Variants in SEMA6A observed in about 807,000 individuals in gnomAD.
The protein encoded by SEMA6A is semaphorin-6A.
SEMA6A carries 25 observed loss-of-function variants against 96.8 expected under a neutral mutation model. The ratio of observed to expected loss-of-function variants is 0.26; its 90% CI spans 0.19 to 0.36. The LOEUF is 0.36. SEMA6A is among the 10% of genes least tolerant of loss of function. SEMA6A has a pLI of 1.00. For missense variants in SEMA6A, 1,363 were observed against 1,323.1 expected (o/e 1.03, Z -0.47); for synonymous variants, 612 against 518.0 (o/e 1.18, Z -2.46).
Position 116,501,169 on chromosome 5 carries a change from T to C in SEMA6A, c.218+1041A>G, listed in dbSNP as rs2112764373. On this transcript the variant is annotated intron_variant, in intron 3 of 18. Coordinates refer to ENST00000343348, the MANE Select transcript of SEMA6A (RefSeq NM_020796.5). Reference sequence around the variant, plus strand: ...TACACACTCCCAAAATGGAGGATCATATATTGTTGGACTCCTTAGGGACTT... The same window carrying C: ...TACACACTCCCAAAATGGAGGATCACATATTGTTGGACTCCTTAGGGACTT... Among the ~76,000 whole-genome samples, 3 of 152,326 alleles carry C rather than the reference T, an allele frequency of 2.0e-5. No individual in the cohort carries two copies. In the South Asian group the frequency reaches 6.2e-4, roughly 32 times the overall value.
At chr5:116,496,567 G>A (rs1757612672) in intron 4 of SEMA6A, among the ~76,000 whole-genome samples, 2 of 152,088 alleles carry the variant, frequency 1.3e-5, no homozygotes. Flanking sequence ...AAGGAGAAAA[G>A]AAAGAAGAAT....
At chr5:116,454,383 G>C (rs879925109) in intron 18 of SEMA6A, among the ~76,000 whole-genome samples, 4 of 152,068 alleles carry the variant, frequency 2.6e-5, no homozygotes, top group Non-Finnish European at 5.9e-5. Flanking sequence ...ATAACAACTT[G>C]AGTGAATGGA....
intron 10 of SEMA6A, among the ~76,000 whole-genome samples, chr5:116,483,698 A>C (rs577963092): frequency 7.2e-4 from 109 of 152,240 alleles, no homozygotes; most frequent in Non-Finnish European, 1.4e-3. Flanking sequence ...ATTTAAAATA[A>C]GGTGGCAAAA....
At chr5:116,541,604 G>T (rs1458470613) in intron 1 of SEMA6A, among the ~76,000 whole-genome samples, 1 of 152,168 alleles carries the variant, frequency 6.6e-6, no homozygotes. Context: ...AAGCTGAGGT[G>T]AGCTGATCAC....
intron 1 of SEMA6A, among the ~76,000 whole-genome samples, chr5:116,563,803 T>C (rs1366306638): frequency 6.6e-6 from 1 of 152,228 alleles, no homozygotes; most frequent in Admixed American, 6.5e-5. Context: ...ATCTAGCCTA[T>C]GCGAATACTG....
chr5:116,498,016 C>G (rs1757686454), intron 3 of SEMA6A, among the ~76,000 whole-genome samples: 1 of 152,108 alleles, frequency 6.6e-6, no homozygotes, highest in Non-Finnish European at 1.5e-5. Context: ...TCCTGTTTTG[C>G]TGAGAATTGG....
At chr5:116,474,487 CATA>C (rs1756351490) in intron 16 of SEMA6A, among the ~76,000 whole-genome samples, 1 of 152,030 alleles carries the variant, frequency 6.6e-6, no homozygotes, top group Admixed American at 6.6e-5. Context: ...GTGTGTAAGA[CATA>C]ATAAGAATTT....
chr5:116,480,314 A>C, intron 11 of SEMA6A, 37 bp from the exon 12 acceptor site: 1 of 1,609,778 alleles, frequency 6.2e-7, no homozygotes, highest in Non-Finnish European at 8.5e-7. Flanking sequence ...GAGGGAGCTT[A>C]TTTTCTGCCT....
rs1240526158 is a variant in SEMA6A, at chr5:116,446,768, C to T, written c.2938G>A (p.Ala980Thr). ...CTGGGCTGCCTCGAGACAGTCACGG[C>T]CTGGCCAGATGGCTGGGAGCTGTGC... ...QVHSSQPSGQ[A>T]VTVSRQPSLN... Residue 980 changes from alanine (A) to threonine (T), a missense_variant, in exon 19 of 19, where the codon GCC (alanine) becomes ACC (threonine). Ala to Thr is a moderately conservative substitution (Grantham distance 58). This residue lies in a region of SEMA6A where 883 missense variants were observed against 763.6 expected (regional missense o/e 1.16). Coordinates refer to ENST00000343348, the MANE Select transcript of SEMA6A (RefSeq NM_020796.5). The T allele has an allele frequency of 3.7e-6, 6 of 1,610,870 alleles. No homozygotes were observed. The Admixed American group carries it at 5.0e-5, about 14-fold the overall frequency.
At chr5:116,543,393 GTATTA>G (rs1760056905) in intron 1 of SEMA6A, among the ~76,000 whole-genome samples, 1 of 152,124 alleles carries the variant, frequency 6.6e-6, no homozygotes, top group African/African-American at 2.4e-5. Flanking sequence ...CTGCAGATGT[GTATTA>G]AACTTCCATT....
At chr5:116,558,267 A>G (rs914953735) in intron 1 of SEMA6A, among the ~76,000 whole-genome samples, 1 of 152,190 alleles carries the variant, frequency 6.6e-6, no homozygotes. Context: ...CATGAAAGAT[A>G]AATATAGAAT....
At chr5:116,474,995 GC>G (rs1756377838) in intron 16 of SEMA6A, among the ~76,000 whole-genome samples, 1 of 152,016 alleles carries the variant, frequency 6.6e-6, no homozygotes, top group Non-Finnish European at 1.5e-5. Context: ...TACATAGTAG[GC>G]CAATTCCTAT....
At chr5:116,491,624 T>TCAA in intron 7 of SEMA6A, 116 bp downstream of exon 7, 1 of 757,608 alleles carries the variant, frequency 1.3e-6, no homozygotes, top group East Asian at 2.5e-5. Flanking sequence ...TTAATTACAG[T>TCAA]ATTCACCAGA....
At chr5:116,482,008 T>C (rs1756800305) in intron 11 of SEMA6A, among the ~76,000 whole-genome samples, 1 of 152,126 alleles carries the variant, frequency 6.6e-6, no homozygotes, top group African/African-American at 2.4e-5. Context: ...TCCAGCTTGG[T>C]CACAAATCCG....
chr5:116,504,911 G>A lies in SEMA6A; in HGVS notation c.34C>T (p.Leu12=), dbSNP rs36105994. The A allele has an allele frequency of 5.8e-4, 931 of 1,603,346 alleles. 4 individuals carry two copies. In the African/African-American group the frequency reaches 0.012, roughly 20 times the overall value. Residue 12 remains leucine, a synonymous_variant, in exon 2 of 19, where the codon CTG becomes TTG. Transcript: ENST00000343348. ...AAACCAGCCCCAGCAAAGTGTAGCA[G>A]TGTGAAATATAGCAGCAAGGCTTCT... The part of the protein sequence containing the change: ...RSEALLLYFT[L]LHFAGAGFPE...
rs187732225 is a variant in SEMA6A, at chr5:116,562,722, G to A, written c.-39+11463C>T. 61 of 732,874 alleles carry A rather than the reference G, an allele frequency of 8.3e-5. No homozygotes were observed. The Admixed American group carries it at 8.6e-4, about 10-fold the overall frequency. 45.4% of individuals were successfully genotyped at this position (732,874 alleles called of 1,614,324 possible). A position where few individuals can be genotyped will look rare whatever the true frequency, so the allele number is the denominator to read the frequency against. ...CTTTCTGGCAAAGAAACCCTCTGCC[G>A]TGTGACTGGTGGGATGAAGGTGAAG... On this transcript the variant is annotated intron_variant, in intron 1 of 18. Transcript: ENST00000343348.
chr5:116,529,337 G>C (rs1317824034), intron 1 of SEMA6A, among the ~76,000 whole-genome samples: 2 of 152,042 alleles, frequency 1.3e-5, no homozygotes, highest in Non-Finnish European at 2.9e-5. Flanking sequence ...AGCACTGTAG[G>C]GTGACTATAA....
intron 1 of SEMA6A, among the ~76,000 whole-genome samples, chr5:116,573,912 G>A (rs1263405582): frequency 5.9e-5 from 9 of 152,032 alleles, no homozygotes; most frequent in Admixed American, 5.9e-4. Flanking sequence ...CGCCGTCGCG[G>A]CCCGGGGCGG....
At chr5:116,553,586 T>C (rs953108588) in intron 1 of SEMA6A, among the ~76,000 whole-genome samples, 1 of 152,180 alleles carries the variant, frequency 6.6e-6, no homozygotes, top group African/African-American at 2.4e-5. Context: ...TAGAACACAC[T>C]GTGCTATAAA....
Sources: allele counts gnomAD v4.1 joint callset (sites outside exome capture counted in the v4.1 genomes callset), GRCh38; gene constraint gnomAD v4.1.1; regional missense constraint gnomAD v4.1.1; transcripts MANE v1.5; gene names NCBI Gene and HGNC (gene_info 2026-07-23, HGNC 2026-07-21).